The following ARFIP1 variants were observed in gnomAD, a reference collection of about 807,000 sequenced individuals.
ARFIP1 encodes the protein arfaptin-1.
In ARFIP1, 24 loss-of-function variants were observed where a neutral mutation model predicts 42.5. The ratio of observed to expected loss-of-function variants is 0.57; its 90% CI spans 0.41 to 0.80. The LOEUF (loss-of-function observed/expected upper bound fraction) is 0.80, where lower values mean the gene tolerates loss of function less well. ARFIP1 is among the 30% of genes least tolerant of loss of function. ARFIP1 has a pLI of 0.00. For synonymous variants in ARFIP1, 141 were observed against 153.7 expected (o/e 0.92, Z 0.61); for missense variants, 354 against 434.0 (o/e 0.82, Z 1.64).
At chr4:152,868,615 A>G (rs866599851) in intron 3 of ARFIP1, among the ~76,000 whole-genome samples, 1 of 152,178 alleles carries the variant, frequency 6.6e-6, no homozygotes. Flanking sequence ...TACACATCCC[A>G]TGTAGTGCTA....
At chr4:152,828,043 G>A (rs573000087) in intron 1 of ARFIP1, among the ~76,000 whole-genome samples, 75 of 152,166 alleles carry the variant, frequency 4.9e-4, no homozygotes, top group African/African-American at 1.7e-3. Context: ...GCTTATTTAC[G>A]TTTAGTGCTA....
intron 2 of ARFIP1, among the ~76,000 whole-genome samples, chr4:152,840,744 G>A (rs1015521531): frequency 1.4e-4 from 19 of 134,352 alleles, no homozygotes; most frequent in African/African-American, 3.6e-4. Context: ...TTGAGACAGC[G>A]TCTCGCTCTT....
At chr4:152,907,223 G>A (rs896965710) in intron 8 of ARFIP1, among the ~76,000 whole-genome samples, 4 of 152,110 alleles carry the variant, frequency 2.6e-5, no homozygotes, top group Admixed American at 1.3e-4. Context: ...TTTATTATAT[G>A]AATGGAGGTA....
chr4:152,896,370 C>G (rs1419584873), intron 8 of ARFIP1, among the ~76,000 whole-genome samples: 1 of 152,058 alleles, frequency 6.6e-6, no homozygotes, highest in Admixed American at 6.5e-5. Context: ...CAGTAAAGGA[C>G]TAATTGAATA....
Position 152,911,934 on chromosome 4 carries a change from G to A in ARFIP1, c.*1715G>A, listed in dbSNP as rs916461073. ...TAAATCGTTTCTCTGGACCTTCATA[G>A]TTTAAGAAGTAACTATTTGGAAATT... is the stretch of plus-strand genomic sequence containing the variant. On this transcript the variant is annotated 3_prime_UTR_variant, in exon 9 of 9. Coordinates refer to ENST00000353617, the MANE Select transcript of ARFIP1 (RefSeq NM_001025595.3). 1 of 152,336 alleles carries A rather than the reference G, an allele frequency of 6.6e-6. No homozygotes were observed. The highest frequency in any genetic ancestry group is 1.5e-5 in the Non-Finnish European group (1 of 67,956). 9.4% of individuals were successfully genotyped at this position (152,336 alleles called of 1,614,324 possible). A position where few individuals can be genotyped will look rare whatever the true frequency, so the allele number is the denominator to read the frequency against.
intron 4 of ARFIP1, among the ~76,000 whole-genome samples, 169 bp downstream of exon 4, chr4:152,871,017 T>A (rs146200808): frequency 2.0e-5 from 3 of 152,232 alleles, no homozygotes. Flanking sequence ...CTGTATCCTA[T>A]CTTTGTGGCT....
chr4:152,782,723 TG>T (rs1730576715), intron 1 of ARFIP1, among the ~76,000 whole-genome samples: 3 of 152,236 alleles, frequency 2.0e-5, no homozygotes, highest in African/African-American at 7.2e-5. Context: ...CCCTCCATTC[TG>T]TATGAGATAT....
intron 8 of ARFIP1, among the ~76,000 whole-genome samples, chr4:152,891,229 A>G (rs1736821647): frequency 6.6e-6 from 1 of 152,236 alleles, no homozygotes; most frequent in South Asian, 2.1e-4. Flanking sequence ...AAACATTCAG[A>G]CTGCAGCAGA....
chr4:152,888,072 C>T, intron 7 of ARFIP1, 61 bp from the exon 8 acceptor site: 2 of 1,374,342 alleles, frequency 1.5e-6, no homozygotes, highest in South Asian at 2.9e-5. Flanking sequence ...TATTTCCAAC[C>T]CATTTTTTGA....
chr4:152,875,649 C>T (rs1735268817), intron 5 of ARFIP1, among the ~76,000 whole-genome samples: 1 of 151,798 alleles, frequency 6.6e-6, no homozygotes, highest in African/African-American at 2.4e-5. Flanking sequence ...CCTTAATAAT[C>T]CTTGTTGTAT....
chr4:152,800,494 GA>G (rs892225927), intron 1 of ARFIP1, among the ~76,000 whole-genome samples: 1 of 151,986 alleles, frequency 6.6e-6, no homozygotes, highest in Non-Finnish European at 1.5e-5. Flanking sequence ...AAACTGTATA[GA>G]AAAAAACTAT....
At chr4:152,797,147 G>T (rs549097388) in intron 1 of ARFIP1, among the ~76,000 whole-genome samples, 1 of 152,064 alleles carries the variant, frequency 6.6e-6, no homozygotes, top group Non-Finnish European at 1.5e-5. Flanking sequence ...GTTTATTCTG[G>T]AATATGATGT....
At chr4:152,809,465 A>G (rs1222894318) in intron 1 of ARFIP1, among the ~76,000 whole-genome samples, 1 of 152,230 alleles carries the variant, frequency 6.6e-6, no homozygotes, top group African/African-American at 2.4e-5. Flanking sequence ...ATTTCAAAAG[A>G]TTAAAATTAT....
At chr4:152,807,618 A>C (rs564658898) in intron 1 of ARFIP1, among the ~76,000 whole-genome samples, 1 of 151,688 alleles carries the variant, frequency 6.6e-6, no homozygotes, top group Non-Finnish European at 1.5e-5. Context: ...TTTTCTTGCT[A>C]TTGAATTGCA....
At chr4:152,796,029 G>T in intron 1 of ARFIP1, 4 of 669,024 alleles carry the variant, frequency 6.0e-6, no homozygotes, top group Admixed American at 1.9e-5. Context: ...TTCAGTTGGT[G>T]TGTAGTGCTC....
intron 1 of ARFIP1, among the ~76,000 whole-genome samples, chr4:152,813,798 G>A (rs1490965351): frequency 1.3e-5 from 2 of 151,932 alleles, no homozygotes; most frequent in South Asian, 2.1e-4. Flanking sequence ...TTTTCTTCAA[G>A]CAATTATGTG....
intron 2 of ARFIP1, among the ~76,000 whole-genome samples, chr4:152,845,037 G>A (rs1175694552): frequency 6.6e-6 from 1 of 152,042 alleles, no homozygotes; most frequent in Non-Finnish European, 1.5e-5. Context: ...ACAGAATAGA[G>A]AACCCAGAAA....
At chr4:152,839,043 T>A (rs1731867131) in intron 2 of ARFIP1, among the ~76,000 whole-genome samples, 1 of 152,218 alleles carries the variant, frequency 6.6e-6, no homozygotes, top group Admixed American at 6.5e-5. Context: ...GATGATTGTT[T>A]AACTTTTGTT....
chr4:152,855,443 A>G (rs956427391), intron 2 of ARFIP1, among the ~76,000 whole-genome samples: 2 of 152,086 alleles, frequency 1.3e-5, no homozygotes, highest in Admixed American at 6.5e-5. Flanking sequence ...TGCTGCCTTT[A>G]GTGACTGGCG....
Sources: allele counts gnomAD v4.1 joint callset (sites outside exome capture counted in the v4.1 genomes callset), GRCh38; gene constraint gnomAD v4.1.1; transcripts MANE v1.5; gene names NCBI Gene and HGNC (gene_info 2026-07-23, HGNC 2026-07-21).